Variants in CACNB2 observed in about 807,000 individuals in gnomAD.
CACNB2 encodes calcium voltage-gated channel auxiliary subunit beta 2.
Under a neutral mutation model 73.3 loss-of-function variants are expected in CACNB2, and 42 were observed. The ratio of observed to expected loss-of-function variants is 0.57; its 90% CI spans 0.45 to 0.74. The LOEUF is 0.74. CACNB2 is among the 30% of genes least tolerant of loss of function. The probability of loss-of-function intolerance (pLI) is 0.00; values close to 1 mark genes in which losing one functional copy is unlikely to be tolerated. For missense variants in CACNB2, 940 were observed against 853.0 expected, an observed-to-expected ratio of 1.10 and a Z score of -1.27; for synonymous variants, 348 against 310.3, an observed-to-expected ratio of 1.12 and a Z score of -1.28.
At chr10:18,233,004 G>A (rs7069685) in intron 2 of CACNB2, among the ~76,000 whole-genome samples, 7,214 of 152,188 alleles carry the variant, frequency 0.047, 599 homozygotes, top group African/African-American at 0.16. Context: ...GGAGGATCTC[G>A]AGCTCAGAAG....
chr10:18,426,615 G>A (rs965734403), intron 3 of CACNB2, among the ~76,000 whole-genome samples: 13 of 152,188 alleles, frequency 8.5e-5, no homozygotes, highest in Admixed American at 5.9e-4. Context: ...CAAGGTAGGA[G>A]GATCACCTGA....
chr10:18,477,048 G>A (rs906390448), intron 3 of CACNB2, among the ~76,000 whole-genome samples: 7 of 151,774 alleles, frequency 4.6e-5, no homozygotes, highest in Non-Finnish European at 1.0e-4. Flanking sequence ...GTTCTCATCT[G>A]CCACACAGAA....
intron 2 of CACNB2, among the ~76,000 whole-genome samples, chr10:18,296,214 T>C (rs923037257): frequency 1.3e-5 from 2 of 152,118 alleles, no homozygotes; most frequent in Admixed American, 6.6e-5. Flanking sequence ...TATATTTTTC[T>C]TTTTTATTCT....
chr10:18,539,433 C>T lies in CACNB2; in HGVS notation c.1692C>T (p.Asp564=), dbSNP rs1017388215. Residue 564 remains aspartate (D), a synonymous_variant, in exon 14 of 14, where the codon GAC becomes GAT. Transcript: ENST00000324631. ...TFDSETQESR[D]SAYVEPKEDY... ...ACTCGGAAACCCAGGAGAGTCGAGA[C>T]TCTGCCTACGTAGAGCCAAAGGAAG... is the stretch of plus-strand genomic sequence containing the variant. 2 of 1,614,058 alleles carry T rather than the reference C, an allele frequency of 1.2e-6. No homozygotes were observed. The highest frequency in any genetic ancestry group is 1.7e-6 in the Non-Finnish European group (2 of 1,180,014).
chr10:18,436,030 T>G (rs1472248910), intron 3 of CACNB2, among the ~76,000 whole-genome samples: 1 of 152,178 alleles, frequency 6.6e-6, no homozygotes, highest in Non-Finnish European at 1.5e-5. Flanking sequence ...CTTAGATCAT[T>G]TTTAGAGAAT....
intron 3 of CACNB2, among the ~76,000 whole-genome samples, chr10:18,490,929 G>A (rs1043061935): frequency 6.6e-6 from 1 of 152,130 alleles, no homozygotes; most frequent in African/African-American, 2.4e-5. Flanking sequence ...GTGCACCTCA[G>A]TTACATTTGG....
chr10:18,380,449 T>G, intron 2 of CACNB2, among the ~76,000 whole-genome samples: 1 of 132,938 alleles, frequency 7.5e-6, no homozygotes, highest in East Asian at 5.5e-4. Flanking sequence ...AACATGTGTT[T>G]TTCTTTTTTT....
At chr10:18,352,079 A>G (rs1262610414) in intron 2 of CACNB2, among the ~76,000 whole-genome samples, 1 of 152,228 alleles carries the variant, frequency 6.6e-6, no homozygotes. Flanking sequence ...GTTCAATGCA[A>G]TGCCCAAGAT....
At chr10:18,463,734 A>G (rs553101396) in intron 3 of CACNB2, among the ~76,000 whole-genome samples, 1 of 152,086 alleles carries the variant, frequency 6.6e-6, no homozygotes, top group South Asian at 2.1e-4. Flanking sequence ...CCTGGCCCCA[A>G]GAGTTCCTAT....
At chr10:18,473,929 C>T (rs1399462643) in intron 3 of CACNB2, among the ~76,000 whole-genome samples, 1 of 152,142 alleles carries the variant, frequency 6.6e-6, no homozygotes, top group Non-Finnish European at 1.5e-5. Flanking sequence ...GGTGCAGCTC[C>T]CCGCCACGCT....
intron 2 of CACNB2, among the ~76,000 whole-genome samples, chr10:18,171,543 A>AAAAACAAAAAAAAAAAAAG (rs2033237520): frequency 7.2e-6 from 1 of 138,826 alleles, no homozygotes; most frequent in African/African-American, 3.2e-5. Flanking sequence ...AAAAAAAAAA[A>AAAAACAAAAAAAAAAAAAG]AAAAAAGGCT....
intron 2 of CACNB2, among the ~76,000 whole-genome samples, chr10:18,190,648 A>G (rs2034354895): frequency 1.3e-5 from 2 of 152,238 alleles, no homozygotes; most frequent in South Asian, 4.1e-4. Flanking sequence ...ATGTTCTTCC[A>G]GACTTTTGGG....
chr10:18,298,346 G>T (rs963366294), intron 2 of CACNB2, among the ~76,000 whole-genome samples: 9 of 151,344 alleles, frequency 5.9e-5, no homozygotes, highest in Non-Finnish European at 1.0e-4. Flanking sequence ...CTCCAGCCTG[G>T]GCGAAAGAGC....
At chr10:18,388,473 A>G (rs2043327149) in intron 2 of CACNB2, among the ~76,000 whole-genome samples, 1 of 152,138 alleles carries the variant, frequency 6.6e-6, no homozygotes, top group Non-Finnish European at 1.5e-5. Flanking sequence ...TCCCTAGGGT[A>G]CTTTCCAGTG....
chr10:18,214,050 C>T (rs1398997995), intron 2 of CACNB2, among the ~76,000 whole-genome samples: 1 of 152,068 alleles, frequency 6.6e-6, no homozygotes, highest in Non-Finnish European at 1.5e-5. Context: ...GTTTACTTCA[C>T]GTATCTGAAA....
At chr10:18,501,467 G>A (rs1457178510) in intron 5 of CACNB2, among the ~76,000 whole-genome samples, 2 of 152,242 alleles carry the variant, frequency 1.3e-5, no homozygotes, top group Non-Finnish European at 2.9e-5. Flanking sequence ...AGTTAAAACT[G>A]CCTGTGCAGA....
chr10:18,524,502 A>T (rs1436607441), intron 9 of CACNB2, among the ~76,000 whole-genome samples: 5 of 151,746 alleles, frequency 3.3e-5, no homozygotes, highest in Non-Finnish European at 5.9e-5. Context: ...TAAAAGTACA[A>T]AAATTAGCTG....
At chr10:18,225,632 T>TTC (rs1564358826) in intron 2 of CACNB2, among the ~76,000 whole-genome samples, 16 of 148,782 alleles carry the variant, frequency 1.1e-4, no homozygotes, top group African/African-American at 1.7e-4. Flanking sequence ...TTCCTTCCTT[T>TTC]CTTTCTTTTC....
chr10:18,160,159 C>T (rs1284434906), intron 2 of CACNB2, among the ~76,000 whole-genome samples: 13 of 143,068 alleles, frequency 9.1e-5, no homozygotes, highest in Admixed American at 4.1e-4. Flanking sequence ...TAACATGTCT[C>T]GTTGAACATA....
Sources: gnomAD v4.1 joint callset for allele counts (sites outside exome capture counted in the v4.1 genomes callset) on GRCh38, gnomAD v4.1.1 for gene constraint, MANE v1.5 for transcripts, NCBI Gene and HGNC (gene_info 2026-07-23, HGNC 2026-07-21) for gene names.